The following DPP6 variants were observed in gnomAD, a reference collection of about 807,000 sequenced individuals.
DPP6 encodes A-type potassium channel modulatory protein DPP6.
A neutral mutation model predicts 122.6 loss-of-function variants in DPP6; 69 were observed. That is an observed-to-expected ratio of 0.56 (90% confidence interval 0.46 to 0.69). The LOEUF (loss-of-function observed/expected upper bound fraction) is 0.69. Ranked by LOEUF, DPP6 falls within the 30% of genes least tolerant of loss-of-function variation. DPP6 has a pLI of 0.00. For synonymous variants in DPP6, 418 were observed against 433.1 expected (o/e 0.97, Z 0.43); for missense variants, 928 against 1,116.9 (o/e 0.83, Z 2.41).
intron 21 of DPP6, among the ~76,000 whole-genome samples, chr7:154,882,737 T>C (rs781508303): frequency 1.3e-5 from 2 of 151,596 alleles, no homozygotes; most frequent in Non-Finnish European, 2.9e-5. Flanking sequence ...CGCGTGGCCC[T>C]GCAGGAAAAT....
chr7:154,692,932 C>T (rs1174161237), intron 7 of DPP6, among the ~76,000 whole-genome samples: 1 of 151,964 alleles, frequency 6.6e-6, no homozygotes, highest in East Asian at 1.9e-4. Context: ...ACTGGGACTA[C>T]CGGCACACAC....
chr7:154,627,000 C>CTTTTTTTTTTTTTTTTTTTTTTTTTTTTT lies in DPP6; in HGVS notation c.628-10818_628-10790dup, dbSNP rs552919287. On this transcript the variant is annotated intron_variant, in intron 5 of 25. Transcript: ENST00000377770. ...ATCTGGGGTCCATTAGAAATTTTTTCTTTTTTTTTTTTTTTTTTTTTTTTT... is the reference window on the plus strand; with the variant it reads ...ATCTGGGGTCCATTAGAAATTTTTTCTTTTTTTTTTTTTTTTTTTTTTTTTTTTTTTTTTTTTTTTTTTTTTTTTTTTTT... Among the ~76,000 whole-genome samples the CTTTTTTTTTTTTTTTTTTTTTTTTTTTTT allele has an allele frequency of 7.7e-5, 4 of 52,092 alleles. 1 individual carries two copies. The highest frequency in any genetic ancestry group is 0.048 in the Middle Eastern group (2 of 42). 34.2% of individuals were successfully genotyped at this position (52,092 alleles called of 152,430 possible).
intron 6 of DPP6, among the ~76,000 whole-genome samples, chr7:154,663,839 A>T (rs202115765): frequency 4.3e-5 from 3 of 69,416 alleles, no homozygotes; most frequent in South Asian, 6.4e-4. Context: ...TGGGCGTAGT[A>T]TTCATATAGT....
intron 1 of DPP6, among the ~76,000 whole-genome samples, chr7:154,187,174 A>G (rs1294931779): frequency 6.6e-6 from 1 of 152,252 alleles, no homozygotes; most frequent in Non-Finnish European, 1.5e-5. Flanking sequence ...CTCGTATGAA[A>G]TGGAACATTA....
Position 154,062,116 on chromosome 7 carries a change from G to A in DPP6, c.243+9053G>A, listed in dbSNP as rs1382371786. On this transcript the variant is annotated intron_variant, in intron 1 of 25. Transcript: ENST00000377770. ...ATCGCAGAGGGGGGACGCACCCCCC[G>A]CGAGGCGGGGACTGAGAGCCAGACC... Among the ~76,000 whole-genome samples the A allele has an allele frequency of 4.3e-4, 43 of 100,202 alleles. 9 individuals are homozygous for A. Among genetic ancestry groups the A allele is most frequent in the East Asian group, 3.3e-3 (12 of 3,632 alleles). The allele number at this position is 100,202 out of a possible 152,430, so 65.7% of individuals were successfully genotyped here. A position where few individuals can be genotyped will look rare whatever the true frequency, so the allele number is the denominator to read the frequency against.
intron 8 of DPP6, among the ~76,000 whole-genome samples, chr7:154,764,897 T>C (rs548315836): frequency 1.3e-5 from 2 of 152,284 alleles, no homozygotes; most frequent in East Asian, 3.9e-4. Flanking sequence ...TATAAGCTTG[T>C]AGGTGCATCA....
At chr7:154,678,528 C>T (rs1408070563) in intron 7 of DPP6, among the ~76,000 whole-genome samples, 1 of 152,108 alleles carries the variant, frequency 6.6e-6, no homozygotes, top group Non-Finnish European at 1.5e-5. Flanking sequence ...GGAAGAAACT[C>T]CAGACACATC....
intron 7 of DPP6, among the ~76,000 whole-genome samples, chr7:154,709,838 T>C (rs1841066643): frequency 1.3e-5 from 2 of 152,190 alleles, no homozygotes; most frequent in African/African-American, 4.8e-5. Context: ...CCCACCATCA[T>C]CCAGTTTCTG....
At chr7:154,826,240 G>A (rs4960554) in intron 16 of DPP6, among the ~76,000 whole-genome samples, 1 of 152,110 alleles carries the variant, frequency 6.6e-6, no homozygotes, top group South Asian at 2.1e-4. Flanking sequence ...TAACTGTTGA[G>A]AAAAGAAATG....
intron 1 of DPP6, among the ~76,000 whole-genome samples, chr7:154,185,493 T>C (rs1394039590): frequency 6.6e-6 from 1 of 152,192 alleles, no homozygotes; most frequent in Non-Finnish European, 1.5e-5. Flanking sequence ...CTGAAGCCGA[T>C]GTTCAGTGAT....
chr7:154,373,908 C>T (rs1812891172), intron 1 of DPP6, among the ~76,000 whole-genome samples: 1 of 152,184 alleles, frequency 6.6e-6, no homozygotes, highest in African/African-American at 2.4e-5. Flanking sequence ...TGGATTATTC[C>T]GTGTAGCATA....
chr7:154,240,193 C>T (rs1040358814), intron 1 of DPP6, among the ~76,000 whole-genome samples: 5 of 151,930 alleles, frequency 3.3e-5, no homozygotes, highest in Non-Finnish European at 7.4e-5. Context: ...ATCAACTCTT[C>T]GTTATTTTCA....
intron 1 of DPP6, among the ~76,000 whole-genome samples, chr7:154,262,953 C>G (rs1265308232): frequency 6.6e-6 from 1 of 152,234 alleles, no homozygotes; most frequent in Non-Finnish European, 1.5e-5. Flanking sequence ...AGTGGGGAAA[C>G]TTTCTCCTTA....
chr7:153,933,609 G>T (rs954071584), intron 1 of DPP6, among the ~76,000 whole-genome samples: 1 of 152,124 alleles, frequency 6.6e-6, no homozygotes, highest in African/African-American at 2.4e-5. Context: ...TTCAGATCAT[G>T]CAATGATTTC....
At chr7:154,427,372 A>G (rs1247645782) in intron 1 of DPP6, among the ~76,000 whole-genome samples, 2 of 152,206 alleles carry the variant, frequency 1.3e-5, no homozygotes, top group Non-Finnish European at 2.9e-5. Flanking sequence ...ATATTGATGC[A>G]TGTATTCTCT....
chr7:154,579,812 C>T (rs1156618595), intron 5 of DPP6, among the ~76,000 whole-genome samples: 9 of 152,106 alleles, frequency 5.9e-5, no homozygotes, highest in Admixed American at 6.5e-5. Flanking sequence ...TGTGGGAACT[C>T]CCCCATGTGC....
Position 154,703,709 on chromosome 7 carries a change from G to A in DPP6, c.763-24058G>A, listed in dbSNP as rs182558311. 1.0e-3 allele frequency among the ~76,000 whole-genome samples: 154 copies of A among 152,060 alleles called. 1 individual carries two copies. The highest frequency in any genetic ancestry group is 3.4e-3 in the African/African-American group (143 of 41,484). ...TTGCAGCACTTTAGAAGGCCAAAGC[G>A]GGCAGATCATGAGGTCAGGAATCGA... On this transcript the variant is annotated intron_variant, in intron 7 of 25. Transcript: ENST00000377770.
intron 1 of DPP6, among the ~76,000 whole-genome samples, chr7:154,355,006 A>G (rs1193278784): frequency 6.6e-6 from 1 of 151,930 alleles, no homozygotes; most frequent in Non-Finnish European, 1.5e-5. Flanking sequence ...TTCTCTCCTC[A>G]CCTGCCCTTG....
intron 7 of DPP6, among the ~76,000 whole-genome samples, chr7:154,679,207 C>T (rs950240828): frequency 3.2e-4 from 49 of 152,290 alleles, no homozygotes; most frequent in African/African-American, 9.6e-4. Context: ...TTCTCCCACT[C>T]TTAGGGAGGG....
Sources: allele counts gnomAD v4.1 joint callset (sites outside exome capture counted in the v4.1 genomes callset), GRCh38; gene constraint gnomAD v4.1.1; transcripts MANE v1.5; gene names NCBI Gene and HGNC (gene_info 2026-07-23, HGNC 2026-07-21).